SOX5: variants seen among roughly 807,000 people sequenced by gnomAD.
SOX5 encodes SRY-box transcription factor 5, also known as transcription factor SOX-5.
Under a neutral mutation model 92.0 loss-of-function variants are expected in SOX5, and 9 were observed. That is an observed-to-expected ratio of 0.10 (90% confidence interval 0.06 to 0.17). The LOEUF (loss-of-function observed/expected upper bound fraction) is 0.17, where lower values mean the gene tolerates loss of function less well. Among genes scored for constraint, SOX5 ranks in the 10% least tolerant of loss-of-function variants. The probability of loss-of-function intolerance (pLI) is 1.00; values close to 1 mark genes in which losing one functional copy is unlikely to be tolerated. For synonymous variants in SOX5, 344 were observed against 336.3 expected, an observed-to-expected ratio of 1.02 and a Z score of -0.25; for missense variants, 642 against 944.5, an observed-to-expected ratio of 0.68 and a Z score of 4.20.
chr12:24,272,461 A>G (rs1943885174), intron 3 of SOX5, among the ~76,000 whole-genome samples: 1 of 152,212 alleles, frequency 6.6e-6, no homozygotes, highest in Non-Finnish European at 1.5e-5. Flanking sequence ...TGAACACAGA[A>G]GGAAAGCCTT....
intron 4 of SOX5, among the ~76,000 whole-genome samples, chr12:23,985,114 G>A (rs1182849353): frequency 6.6e-6 from 1 of 152,030 alleles, no homozygotes; most frequent in African/African-American, 2.4e-5. Context: ...ACAAACACAA[G>A]CCTCAAGTGC....
chr12:24,236,025 T>TA (rs548796466), intron 3 of SOX5, among the ~76,000 whole-genome samples: 15 of 151,752 alleles, frequency 9.9e-5, no homozygotes, highest in East Asian at 3.9e-4. Flanking sequence ...CCACCTCTAC[T>TA]AAAAAAACAC....
At chr12:24,474,483 A>G (rs972414050) in intron 1 of SOX5, among the ~76,000 whole-genome samples, 1 of 152,178 alleles carries the variant, frequency 6.6e-6, no homozygotes, top group African/African-American at 2.4e-5. Context: ...AAAAATGTAA[A>G]AGATTACTGT....
At chr12:24,243,168 C>T (rs1022217138) in intron 3 of SOX5, among the ~76,000 whole-genome samples, 16 of 152,022 alleles carry the variant, frequency 1.1e-4, no homozygotes, top group African/African-American at 3.9e-4. Flanking sequence ...AAAAAGAACC[C>T]CATGAACCTG....
chr12:24,311,340 G>T (rs115383969), intron 2 of SOX5, among the ~76,000 whole-genome samples: 2 of 152,050 alleles, frequency 1.3e-5, no homozygotes, highest in Admixed American at 6.6e-5. Context: ...ATTTCTGAAG[G>T]TTCATTAAAT....
At chr12:24,020,804 T>C (rs1246077085) in intron 4 of SOX5, among the ~76,000 whole-genome samples, 1 of 152,174 alleles carries the variant, frequency 6.6e-6, no homozygotes, top group Non-Finnish European at 1.5e-5. Flanking sequence ...ATTGTAGTCC[T>C]CTTGTCACTG....
intron 1 of SOX5, among the ~76,000 whole-genome samples, chr12:24,506,593 T>C (rs983517735): frequency 1.1e-4 from 17 of 152,038 alleles, no homozygotes; most frequent in African/African-American, 3.9e-4. Context: ...GGGGTGAATA[T>C]AGAATTTCAT....
At chr12:23,710,591 T>C (rs1019756705) in intron 6 of SOX5, among the ~76,000 whole-genome samples, 3 of 152,206 alleles carry the variant, frequency 2.0e-5, no homozygotes, top group Non-Finnish European at 4.4e-5. Context: ...TATGGCTGCA[T>C]AGTATTCCAT....
intron 4 of SOX5, among the ~76,000 whole-genome samples, chr12:24,173,997 G>GT (rs1476572386): frequency 1.4e-5 from 2 of 146,062 alleles, no homozygotes; most frequent in African/African-American, 2.5e-5. Context: ...TTTTTTGTTT[G>GT]TTTTTTTGTT....
At chr12:23,972,333 T>TTTC (rs1948434577) in intron 4 of SOX5, among the ~76,000 whole-genome samples, 1 of 152,090 alleles carries the variant, frequency 6.6e-6, no homozygotes, top group South Asian at 2.1e-4. Context: ...TAAAAATATT[T>TTTC]TTCTTCCTAT....
chr12:24,440,101 AG>A (rs1940232102), intron 1 of SOX5, among the ~76,000 whole-genome samples: 1 of 152,176 alleles, frequency 6.6e-6, no homozygotes, highest in Non-Finnish European at 1.5e-5. Flanking sequence ...AATGAGGAGA[AG>A]GGGGAGAAGT....
chr12:23,915,592 G>A (rs73280175), intron 1 of SOX5, among the ~76,000 whole-genome samples: 3,062 of 151,962 alleles, frequency 0.02, 103 homozygotes, highest in African/African-American at 0.07. Context: ...GAATGACACC[G>A]AGAACTATAC....
chr12:24,168,870 G>T (rs575312076), intron 4 of SOX5, among the ~76,000 whole-genome samples: 4 of 152,072 alleles, frequency 2.6e-5, no homozygotes, highest in Admixed American at 6.5e-5. Context: ...TTCTGTATGT[G>T]GATGCAAATG....
intron 4 of SOX5, among the ~76,000 whole-genome samples, chr12:24,083,933 G>A (rs922561118): frequency 1.3e-4 from 19 of 152,000 alleles, no homozygotes; most frequent in Admixed American, 1.1e-3. Context: ...CAGCTGACTC[G>A]TGTGGGACGA....
At chr12:23,862,308 T>A (rs1436596171) in intron 2 of SOX5, among the ~76,000 whole-genome samples, 1 of 152,160 alleles carries the variant, frequency 6.6e-6, no homozygotes, top group Non-Finnish European at 1.5e-5. Context: ...ATGTCTCTGG[T>A]ACTGAAAATT....
chr12:23,632,789 C>A (rs1196175607), intron 8 of SOX5, among the ~76,000 whole-genome samples: 1 of 152,074 alleles, frequency 6.6e-6, no homozygotes, highest in African/African-American at 2.4e-5. Flanking sequence ...ATGATTCATT[C>A]TCTAACATGA....
chr12:24,192,559 C>G (rs915308773), intron 4 of SOX5, among the ~76,000 whole-genome samples: 1 of 152,124 alleles, frequency 6.6e-6, no homozygotes, highest in Non-Finnish European at 1.5e-5. Flanking sequence ...AATGAAATAT[C>G]GAATTCAAAA....
chr12:24,552,067 C>T (rs1220999212), intron 1 of SOX5, among the ~76,000 whole-genome samples: 1 of 152,164 alleles, frequency 6.6e-6, no homozygotes, highest in East Asian at 1.9e-4. Context: ...TATAACTGGC[C>T]CCAGGGCCCC....
intron 4 of SOX5, among the ~76,000 whole-genome samples, chr12:24,185,179 A>T (rs1041435424): frequency 1.3e-5 from 2 of 152,108 alleles, no homozygotes; most frequent in African/African-American, 4.8e-5. Flanking sequence ...TACCATCCTT[A>T]TTGAAAACTC....
Sources: allele counts gnomAD v4.1 joint callset (sites outside exome capture counted in the v4.1 genomes callset), GRCh38; gene constraint gnomAD v4.1.1; transcripts MANE v1.5; gene names NCBI Gene and HGNC (gene_info 2026-07-23, HGNC 2026-07-21).